TENM3: variants seen among roughly 807,000 people sequenced by gnomAD.
TENM3 encodes the protein teneurin-3.
In TENM3, 63 loss-of-function variants were observed where a neutral mutation model predicts 255.1. That is an observed-to-expected ratio of 0.25 (90% CI 0.20 to 0.30). TENM3 has a LOEUF of 0.30. Among genes scored for constraint, TENM3 ranks in the 10% least tolerant of loss-of-function variants. The pLI is 1.00. For missense variants in TENM3, 2,929 were observed against 3,461.1 expected (o/e 0.85, Z 3.86); for synonymous variants, 1,306 against 1,322.3 (o/e 0.99, Z 0.27).
intron 3 of TENM3, among the ~76,000 whole-genome samples, chr4:182,374,132 A>C (rs894504134): frequency 2.0e-5 from 3 of 151,976 alleles, no homozygotes; most frequent in African/African-American, 7.3e-5. Flanking sequence ...GTGTCTTACT[A>C]TTTCTGTATT....
chr4:182,056,987 C>T, the TENM3 span, among the ~76,000 whole-genome samples: 12 of 150,944 alleles, frequency 7.9e-5, no homozygotes, highest in African/African-American at 2.9e-4. Context: ...TCTGAAAGAA[C>T]AATCAGATAC....
chr4:182,779,036 GTTC>G (rs1411698042), intron 24 of TENM3, among the ~76,000 whole-genome samples: 94 of 124,844 alleles, frequency 7.5e-4, no homozygotes, highest in African/African-American at 2.9e-3. Flanking sequence ...AGAACAATGT[GTTC>G]TTTTTTTTTT....
At chr4:181,734,603 A>G in the TENM3 span, among the ~76,000 whole-genome samples, 58 of 152,200 alleles carry the variant, frequency 3.8e-4, no homozygotes, top group Non-Finnish European at 7.2e-4. Context: ...AGAGATTCAT[A>G]TTTTACATGT....
the TENM3 span, among the ~76,000 whole-genome samples, chr4:181,880,350 A>G: frequency 1.4e-4 from 22 of 152,336 alleles, no homozygotes; most frequent in African/African-American, 5.3e-4. Context: ...ATATTAACAA[A>G]TATGTAAATA....
chr4:181,934,111 G>T, the TENM3 span, among the ~76,000 whole-genome samples: 4 of 151,224 alleles, frequency 2.6e-5, no homozygotes, highest in African/African-American at 9.7e-5. Flanking sequence ...ACATACATAG[G>T]AATATGATGT....
the TENM3 span, among the ~76,000 whole-genome samples, chr4:181,641,562 A>G: frequency 3.5e-4 from 17 of 48,586 alleles, no homozygotes; most frequent in Non-Finnish European, 5.3e-4. Context: ...GTGTATATAT[A>G]TATATATATA....
the TENM3 span, among the ~76,000 whole-genome samples, chr4:181,495,996 A>G: frequency 6.6e-6 from 1 of 152,010 alleles, no homozygotes; most frequent in South Asian, 2.1e-4. Context: ...ATATCCCCCA[A>G]ATGAACTCAG....
the TENM3 span, among the ~76,000 whole-genome samples, chr4:181,526,819 G>A: frequency 6.6e-6 from 1 of 152,190 alleles, no homozygotes; most frequent in Non-Finnish European, 1.5e-5. Context: ...TCTCCAGAAT[G>A]TGTCTGTCTC....
the TENM3 span, among the ~76,000 whole-genome samples, chr4:181,579,258 C>T: frequency 1.3e-5 from 2 of 152,080 alleles, no homozygotes; most frequent in East Asian, 1.9e-4. Flanking sequence ...GCCCTCACCC[C>T]TCACATGGAA....
At chr4:182,665,874 CGACA>C (rs1274638995) in intron 6 of TENM3, among the ~76,000 whole-genome samples, 17 of 151,782 alleles carry the variant, frequency 1.1e-4, no homozygotes, top group African/African-American at 2.4e-5. Context: ...CCAGCCTGGG[CGACA>C]GACAGAGACT....
Position 182,529,152 on chromosome 4 carries a change from C to A in TENM3, c.512-71772C>A, listed in dbSNP as rs144366441. Among the ~76,000 whole-genome samples, 603 of 152,264 alleles carry A rather than the reference C, an allele frequency of 4.0e-3. 5 individuals carry two copies. Among genetic ancestry groups the A allele is most frequent in the Non-Finnish European group, 6.5e-3 (439 of 68,020 alleles). ...AGTAGATTATAGTTTTCAATATTTT[C>A]ATATAGAAAGGAAGAACGTCTTATA... On this transcript the variant is annotated intron_variant, in intron 3 of 27. Transcript: ENST00000511685.
At chr4:181,815,480 G>T in the TENM3 span, among the ~76,000 whole-genome samples, 1 of 98,496 alleles carries the variant, frequency 1.0e-5, no homozygotes, top group African/African-American at 3.9e-5. Flanking sequence ...AAAAAAAAAA[G>T]GTGTAGAGGA....
chr4:182,558,865 A>G (rs1443312836), intron 3 of TENM3, among the ~76,000 whole-genome samples: 1 of 152,122 alleles, frequency 6.6e-6, no homozygotes, highest in Admixed American at 6.6e-5. Context: ...AAAGAGGGTA[A>G]AATTGATAGT....
intron 3 of TENM3, among the ~76,000 whole-genome samples, chr4:182,596,204 A>G (rs1412218880): frequency 2.0e-5 from 3 of 152,226 alleles, no homozygotes; most frequent in Non-Finnish European, 4.4e-5. Context: ...ACATATTTGC[A>G]AATTACCTTA....
At chr4:182,744,799 T>G (rs2152738408) in intron 19 of TENM3, among the ~76,000 whole-genome samples, 1 of 152,304 alleles carries the variant, frequency 6.6e-6, no homozygotes, top group East Asian at 1.9e-4. Context: ...AGGAAATGAC[T>G]TTCTTCAAAG....
rs539076821 is a variant in TENM3, at chr4:182,647,182, C to T, written c.989-6589C>T. 4.6e-5 allele frequency among the ~76,000 whole-genome samples: 7 copies of T among 152,258 alleles called. No homozygotes were observed. The South Asian group carries it at 8.3e-4, about 18-fold the overall frequency. On this transcript the variant is annotated intron_variant, in intron 5 of 27. Coordinates refer to ENST00000511685, the MANE Select transcript of TENM3 (RefSeq NM_001080477.4). ...TCCCATTTCTTCATCTTAACAACAA[C>T]GATTTTCTGCAGGGTGACAAGTTAT...
chr4:181,599,226 A>G, the TENM3 span, among the ~76,000 whole-genome samples: 3 of 152,182 alleles, frequency 2.0e-5, no homozygotes, highest in Non-Finnish European at 4.4e-5. Flanking sequence ...TCATTATCTC[A>G]AGGCACCCCA....
At chr4:182,700,388 A>G (rs138902335) in intron 12 of TENM3, among the ~76,000 whole-genome samples, 7 of 152,238 alleles carry the variant, frequency 4.6e-5, no homozygotes, top group Non-Finnish European at 7.4e-5. Context: ...GCCTCTTTTC[A>G]TTTTAAAACA....
the TENM3 span, among the ~76,000 whole-genome samples, chr4:181,541,268 G>A: frequency 6.6e-6 from 1 of 151,886 alleles, no homozygotes; most frequent in Non-Finnish European, 1.5e-5. Flanking sequence ...TTGTATTCCT[G>A]GGTATGTGGG....
Sources: gnomAD v4.1 joint callset for allele counts (sites outside exome capture counted in the v4.1 genomes callset) on GRCh38, gnomAD v4.1.1 for gene constraint, MANE v1.5 for transcripts, NCBI Gene and HGNC (gene_info 2026-07-23, HGNC 2026-07-21) for gene names.